PPARGC1A: variants seen among roughly 807,000 people sequenced by gnomAD.
PPARGC1A encodes PPARG coactivator 1 alpha.
Under a neutral mutation model 88.7 loss-of-function variants are expected in PPARGC1A, and 25 were observed. The observed-to-expected ratio is 0.28, with a 90% CI of 0.21 to 0.39. The LOEUF (loss-of-function observed/expected upper bound fraction) is 0.39. Ranked by LOEUF, PPARGC1A falls within the 10% of genes least tolerant of loss-of-function variation. PPARGC1A has a pLI of 1.00. For synonymous variants in PPARGC1A, 363 were observed against 355.6 expected, an observed-to-expected ratio of 1.02 and a Z score of -0.24; for missense variants, 880 against 968.7, an observed-to-expected ratio of 0.91 and a Z score of 1.22.
the PPARGC1A span, among the ~76,000 whole-genome samples, chr4:23,982,410 G>A: frequency 6.6e-6 from 1 of 152,128 alleles, no homozygotes; most frequent in East Asian, 1.9e-4. Context: ...ATAAGACAAC[G>A]TCATGGCCAT....
At chr4:24,094,363 G>T in the PPARGC1A span, among the ~76,000 whole-genome samples, 1 of 152,154 alleles carries the variant, frequency 6.6e-6, no homozygotes, top group Non-Finnish European at 1.5e-5. Flanking sequence ...GCATTGGGTA[G>T]TCCTGCAATA....
At chr4:24,009,501 T>C in the PPARGC1A span, among the ~76,000 whole-genome samples, 1 of 152,206 alleles carries the variant, frequency 6.6e-6, no homozygotes, top group Non-Finnish European at 1.5e-5. Context: ...CCCATTAGGA[T>C]GACAGGCAGT....
At chr4:23,924,204 C>A in the PPARGC1A span, among the ~76,000 whole-genome samples, 2 of 152,236 alleles carry the variant, frequency 1.3e-5, no homozygotes, top group Admixed American at 1.3e-4. Context: ...CAGTCTTCAA[C>A]TTCTTGGCAA....
chr4:24,259,351 G>A, the PPARGC1A span, among the ~76,000 whole-genome samples: 1 of 151,984 alleles, frequency 6.6e-6, no homozygotes, highest in African/African-American at 2.4e-5. Context: ...TTTTGCTTGG[G>A]CCAATATTGT....
chr4:24,247,220 C>T, the PPARGC1A span, among the ~76,000 whole-genome samples: 1 of 152,042 alleles, frequency 6.6e-6, no homozygotes, highest in Non-Finnish European at 1.5e-5. Context: ...AGAAAAAAGT[C>T]TGGTCTTTGG....
At chr4:24,256,462 C>T in the PPARGC1A span, among the ~76,000 whole-genome samples, 1 of 152,194 alleles carries the variant, frequency 6.6e-6, no homozygotes, top group African/African-American at 2.4e-5. Context: ...CAGGAGACTT[C>T]GTGTTCTAAT....
the PPARGC1A span, among the ~76,000 whole-genome samples, chr4:24,249,270 C>A: frequency 6.7e-6 from 1 of 150,208 alleles, no homozygotes; most frequent in African/African-American, 2.4e-5. Context: ...TGCACTCCTA[C>A]TTTTTTTTTT....
chr4:24,289,565 C>T, the PPARGC1A span, among the ~76,000 whole-genome samples: 16 of 152,188 alleles, frequency 1.1e-4, no homozygotes, highest in African/African-American at 3.9e-4. Flanking sequence ...TATTTTATTT[C>T]ACTTCTTTCT....
intron 7 of PPARGC1A, among the ~76,000 whole-genome samples, chr4:23,817,216 C>T (rs1487389717): frequency 2.6e-5 from 4 of 152,096 alleles, no homozygotes; most frequent in African/African-American, 9.7e-5. Context: ...ATATAGAAAT[C>T]CTTCTGAGTC....
chr4:23,842,058 ATAT>A (rs1004891046), intron 2 of PPARGC1A, among the ~76,000 whole-genome samples: 7 of 152,126 alleles, frequency 4.6e-5, no homozygotes. Flanking sequence ...TTTATGGAAG[ATAT>A]TATTAGAAAA....
At chr4:24,072,915 C>A in the PPARGC1A span, among the ~76,000 whole-genome samples, 1 of 152,130 alleles carries the variant, frequency 6.6e-6, no homozygotes, top group African/African-American at 2.4e-5. Flanking sequence ...GTTGGTAATA[C>A]AATTACTTGC....
the PPARGC1A span, among the ~76,000 whole-genome samples, chr4:24,379,507 T>C: frequency 6.6e-6 from 1 of 152,066 alleles, no homozygotes; most frequent in Non-Finnish European, 1.5e-5. Context: ...ATACATTCTA[T>C]GCATGTAACA....
chr4:24,191,083 G>T, the PPARGC1A span, among the ~76,000 whole-genome samples: 2 of 152,188 alleles, frequency 1.3e-5, no homozygotes, highest in East Asian at 3.8e-4. Context: ...ACAAAAGGCA[G>T]TGCTCAACAG....
At chr4:23,927,287 A>G in the PPARGC1A span, among the ~76,000 whole-genome samples, 1 of 152,226 alleles carries the variant, frequency 6.6e-6, no homozygotes, top group African/African-American at 2.4e-5. Flanking sequence ...TTACACCATC[A>G]TAAAGTCAAA....
At chr4:23,866,481 T>C (rs1560474102) in intron 2 of PPARGC1A, among the ~76,000 whole-genome samples, 1 of 152,176 alleles carries the variant, frequency 6.6e-6, no homozygotes, top group African/African-American at 2.4e-5. Context: ...GTTTTAAAAA[T>C]CTATATGAAA....
At chr4:23,915,353 T>C in the PPARGC1A span, among the ~76,000 whole-genome samples, 21 of 152,290 alleles carry the variant, frequency 1.4e-4, no homozygotes, top group Non-Finnish European at 2.9e-4. Flanking sequence ...TTGAGTTTCT[T>C]GGCAGTTTAG....
chr4:24,008,442 A>ATTGCGAT, the PPARGC1A span, among the ~76,000 whole-genome samples: 1 of 152,144 alleles, frequency 6.6e-6, no homozygotes, highest in Non-Finnish European at 1.5e-5. Flanking sequence ...TACCCTGTGA[A>ATTGCGAT]TTGCGATTTG....
At chr4:24,037,694 T>A in the PPARGC1A span, among the ~76,000 whole-genome samples, 3 of 152,216 alleles carry the variant, frequency 2.0e-5, no homozygotes, top group Non-Finnish European at 4.4e-5. Context: ...CATCTGTACA[T>A]GTGAATGTGT....
the PPARGC1A span, among the ~76,000 whole-genome samples, chr4:24,054,395 T>C: frequency 0.087 from 13,162 of 151,884 alleles, 1,706 homozygotes; most frequent in African/African-American, 0.28. Flanking sequence ...CCATTATCAA[T>C]GTCTTGCTAA....
Sources: gnomAD v4.1 joint callset for allele counts (sites outside exome capture counted in the v4.1 genomes callset) on GRCh38, gnomAD v4.1.1 for gene constraint, MANE v1.5 for transcripts, NCBI Gene and HGNC (gene_info 2026-07-23, HGNC 2026-07-21) for gene names.